Variants in CLASP2 observed in about 807,000 individuals in gnomAD.
The protein encoded by CLASP2 is cytoplasmic linker associated protein 2.
Under a neutral mutation model 194.4 loss-of-function variants are expected in CLASP2, and 47 were observed. The ratio of observed to expected loss-of-function variants is 0.24; its 90% CI spans 0.19 to 0.31. The LOEUF is 0.31. Ranked by LOEUF, CLASP2 falls within the 10% of genes least tolerant of loss-of-function variation. CLASP2 has a pLI of 1.00. For missense variants in CLASP2, 1,445 were observed against 1,823.6 expected, an observed-to-expected ratio of 0.79 and a Z score of 3.78; for synonymous variants, 619 against 633.5, an observed-to-expected ratio of 0.98 and a Z score of 0.34.
chr3:33,630,253 C>T (rs370257179), intron 9 of CLASP2, among the ~76,000 whole-genome samples: 6 of 152,140 alleles, frequency 3.9e-5, no homozygotes, highest in African/African-American at 1.4e-4. Flanking sequence ...TAACCCTCGG[C>T]ATATGTACGA....
intron 2 of CLASP2, among the ~76,000 whole-genome samples, chr3:33,696,145 A>C (rs1435889607): frequency 6.6e-6 from 1 of 152,020 alleles, no homozygotes; most frequent in African/African-American, 2.4e-5. Flanking sequence ...TCTAATGATA[A>C]AAAATTGGGT....
chr3:33,634,226 T>C (rs1165860173), intron 8 of CLASP2, among the ~76,000 whole-genome samples: 1 of 151,916 alleles, frequency 6.6e-6, no homozygotes, highest in Non-Finnish European at 1.5e-5. Context: ...GGCAAAATAT[T>C]ATCTAAACTG....
intron 11 of CLASP2, among the ~76,000 whole-genome samples, chr3:33,621,763 T>A (rs2077150670): frequency 6.6e-6 from 1 of 152,192 alleles, no homozygotes; most frequent in Non-Finnish European, 1.5e-5. Flanking sequence ...ATGCATGTTG[T>A]AATGCCAGAA....
At chr3:33,687,506 C>T (rs1023671845) in intron 4 of CLASP2, among the ~76,000 whole-genome samples, 12 of 152,054 alleles carry the variant, frequency 7.9e-5, no homozygotes, top group Non-Finnish European at 1.5e-4. Flanking sequence ...CAAATAAATG[C>T]ATTCCAATGA....
intron 34 of CLASP2, among the ~76,000 whole-genome samples, chr3:33,518,732 C>T (rs1167532779): frequency 6.6e-6 from 1 of 152,170 alleles, no homozygotes; most frequent in African/African-American, 2.4e-5. Context: ...GTTATCTTTT[C>T]CATGAAAGTA....
At position 33,627,014 on chromosome 3, in the gene CLASP2, GT is replaced by G; in HGVS notation, c.1008del (p.Lys336AsnfsTer11). 6.3e-7 allele frequency: 1 copy of G among 1,596,010 alleles called. No individual in the cohort carries two copies. Among genetic ancestry groups the G allele is most frequent in the Non-Finnish European group, 8.6e-7 (1 of 1,169,410 alleles). On this transcript the variant is annotated frameshift_variant, in exon 10 of 39. Transcript: ENST00000682230. LOFTEE classifies it high-confidence loss of function. ...NKIREILSDD[K>X]HDWDQRANAL... ...GCATTGGCACGCTGATCCCAGTCATGTTTATCATCTGACAAAATTTCCCTGA... is the reference window on the plus strand; with the variant it reads ...GCATTGGCACGCTGATCCCAGTCATGTTATCATCTGACAAAATTTCCCTGA...
intron 37 of CLASP2, among the ~76,000 whole-genome samples, chr3:33,507,050 T>G (rs1164892802): frequency 6.6e-6 from 1 of 152,038 alleles, no homozygotes; most frequent in East Asian, 1.9e-4. Context: ...GTGATTCTCT[T>G]GCCTCAGCCT....
chr3:33,616,107 C>G (rs1192336205), intron 12 of CLASP2, among the ~76,000 whole-genome samples: 1 of 151,098 alleles, frequency 6.6e-6, no homozygotes, highest in Non-Finnish European at 1.5e-5. Context: ...AAACTATAAA[C>G]TGAATTATAA....
intron 14 of CLASP2, 58 bp from the exon 15 acceptor site, chr3:33,607,519 G>A (rs1216653432): frequency 4.2e-6 from 5 of 1,186,646 alleles, no homozygotes; most frequent in Non-Finnish European, 6.0e-6. Context: ...CACCACAAAT[G>A]GTACTTAAGG....
At chr3:33,682,322 T>C (rs941243950) in intron 6 of CLASP2, among the ~76,000 whole-genome samples, 1 of 152,200 alleles carries the variant, frequency 6.6e-6, no homozygotes, top group Non-Finnish European at 1.5e-5. Context: ...TAAAAATACA[T>C]TGAAATATTT....
intron 1 of CLASP2, among the ~76,000 whole-genome samples, chr3:33,712,084 T>C (rs2093041588): frequency 6.6e-6 from 1 of 152,152 alleles, no homozygotes; most frequent in Admixed American, 6.5e-5. Context: ...AGCAGCACAA[T>C]TCACATTTGC....
chr3:33,643,380 T>G (rs116750746), intron 8 of CLASP2, among the ~76,000 whole-genome samples: 1,784 of 152,006 alleles, frequency 0.012, 12 homozygotes, highest in Middle Eastern at 0.028. Flanking sequence ...AGCTATTTGT[T>G]ATAAAAGGAA....
chr3:33,692,626 G>C (rs1381581731), intron 2 of CLASP2, among the ~76,000 whole-genome samples: 1 of 152,104 alleles, frequency 6.6e-6, no homozygotes, highest in Non-Finnish European at 1.5e-5. Context: ...GTAAAATACG[G>C]AAGGATGACA....
chr3:33,543,334 C>A lies in CLASP2; in HGVS notation c.3404+99G>T, dbSNP rs1426960836. ...GTTGCAGTGAGTTGAGATCACACCA[C>A]CACACTCCAGCCTGGGCGACAGAGC... On this transcript the variant is annotated intron_variant, in intron 32 of 38. Coordinates refer to ENST00000682230, the MANE Select transcript of CLASP2 (RefSeq NM_001365631.1). 5 of 789,138 alleles carry A rather than the reference C, an allele frequency of 6.3e-6. No homozygotes were observed. In the Admixed American group the frequency reaches 8.3e-5, roughly 13 times the overall value. The allele number at this position is 789,138 out of a possible 1,614,324, so 48.9% of individuals were successfully genotyped here.
At chr3:33,501,606 A>G in intron 38 of CLASP2, 46 bp downstream of exon 38, 3 of 1,197,472 alleles carry the variant, frequency 2.5e-6, no homozygotes, top group Non-Finnish European at 3.7e-6. Flanking sequence ...AAGTTTTGAA[A>G]GATGTACTAT....
chr3:33,593,245 A>G (rs1576915407), intron 20 of CLASP2, among the ~76,000 whole-genome samples: 1 of 152,200 alleles, frequency 6.6e-6, no homozygotes, highest in African/African-American at 2.4e-5. Context: ...TCAAGTGCTT[A>G]AGTTAGCTGC....
At chr3:33,635,281 A>G (rs2154297018) in intron 8 of CLASP2, among the ~76,000 whole-genome samples, 1 of 152,260 alleles carries the variant, frequency 6.6e-6, no homozygotes, top group East Asian at 1.9e-4. Flanking sequence ...AGAAAAAAAA[A>G]AATTACAAAT....
chr3:33,628,091 C>A (rs1412279822), intron 9 of CLASP2, among the ~76,000 whole-genome samples: 2 of 152,112 alleles, frequency 1.3e-5, no homozygotes, highest in African/African-American at 2.4e-5. Flanking sequence ...CTTCATCAAA[C>A]CGCCTTACAT....
At chr3:33,565,202 C>T (rs1009706648) in intron 27 of CLASP2, among the ~76,000 whole-genome samples, 4 of 152,032 alleles carry the variant, frequency 2.6e-5, no homozygotes, top group Non-Finnish European at 5.9e-5. Flanking sequence ...CTTTCTGAGA[C>T]GGAGTCTCAC....
Sources: gnomAD v4.1 joint callset for allele counts (sites outside exome capture counted in the v4.1 genomes callset) on GRCh38, gnomAD v4.1.1 for gene constraint, MANE v1.5 for transcripts, NCBI Gene and HGNC (gene_info 2026-07-23, HGNC 2026-07-21) for gene names.